The following DNAH14 variants were observed in gnomAD, a reference collection of about 807,000 sequenced individuals.
DNAH14 encodes axonemal beta dynein heavy chain 14.
A neutral mutation model predicts 520.9 loss-of-function variants in DNAH14; 478 were observed. That is an observed-to-expected ratio of 0.92 (90% CI 0.85 to 0.99). The LOEUF (loss-of-function observed/expected upper bound fraction) is 0.99, where lower values mean the gene tolerates loss of function less well. Ranked by LOEUF, DNAH14 falls within the 50% of genes least tolerant of loss-of-function variation. The probability of loss-of-function intolerance (pLI) is 0.00; values close to 1 mark genes in which losing one functional copy is unlikely to be tolerated. For synonymous variants in DNAH14, 1,581 were observed against 1,757.2 expected, an observed-to-expected ratio of 0.90 and a Z score of 2.51; for missense variants, 4,831 against 5,234.5, an observed-to-expected ratio of 0.92 and a Z score of 2.38.
rs2087721133 is a variant in DNAH14 at position 225,207,364 on chromosome 1, C to A, written c.6439+144C>A. On this transcript the variant is annotated intron_variant, in intron 41 of 85. Transcript: ENST00000682510. ...ACCAACAGCAGATATGCACATGGAA[C>A]AAATTAAAAACCATTTATAGAGGAA... 5 of 780,028 alleles carry A rather than the reference C, an allele frequency of 6.4e-6. No individual in the cohort carries two copies. The South Asian group carries it at 1.5e-4, about 23-fold the overall frequency. 48.3% of individuals were successfully genotyped at this position (780,028 alleles called of 1,614,324 possible).
At chr1:225,068,707 C>T (rs1558852469) in intron 17 of DNAH14, among the ~76,000 whole-genome samples, 1 of 152,098 alleles carries the variant, frequency 6.6e-6, no homozygotes. Context: ...CCTTTTGTGG[C>T]AATTGTGAAT....
intron 1 of DNAH14, among the ~76,000 whole-genome samples, chr1:224,937,823 A>G (rs1436957070): frequency 6.6e-6 from 1 of 152,120 alleles, no homozygotes; most frequent in Non-Finnish European, 1.5e-5. Flanking sequence ...TAGTAACCAA[A>G]ACAGTATGAT....
In DNAH14 at chr1:225,042,929, A is replaced by G. The variant is rs1294082700; in HGVS notation, c.1583A>G (p.Asp528Gly). ...TGCTTGAGAATTCCTGCTGAGAGTG[A>G]TTCTTCAGAAAATTCTAAAGAGAAC... The part of the protein sequence containing the change: ...NLCLRIPAES[D>G]SSENSKENFH... Residue 528 changes from aspartate (D) to glycine (G), a missense_variant, in exon 13 of 86, where the codon GAT (aspartate) becomes GGT (glycine). Asp to Gly is a moderately conservative substitution (Grantham distance 94). Coordinates refer to ENST00000682510, the MANE Select transcript of DNAH14 (RefSeq NM_001367479.1). 10 of 1,551,822 alleles carry G rather than the reference A, an allele frequency of 6.4e-6. No individual in the cohort carries two copies. Among genetic ancestry groups the G allele is most frequent in the Non-Finnish European group, 8.7e-6 (10 of 1,147,020 alleles).
chr1:225,042,574 C>CA (rs1462982171), intron 12 of DNAH14, among the ~76,000 whole-genome samples: 1 of 152,126 alleles, frequency 6.6e-6, no homozygotes, highest in African/African-American at 2.4e-5. Flanking sequence ...TTTAAATAGG[C>CA]ACTCAGTGAC....
intron 66 of DNAH14, among the ~76,000 whole-genome samples, chr1:225,336,782 C>A (rs781354077): frequency 2.6e-5 from 4 of 152,154 alleles, no homozygotes; most frequent in Non-Finnish European, 5.9e-5. Context: ...AAGTATCTAA[C>A]GTCTTTTAGC....
At chr1:225,211,873 A>AATTTATTT (rs201563428) in intron 41 of DNAH14, among the ~76,000 whole-genome samples, 1,680 of 147,254 alleles carry the variant, frequency 0.011, 18 homozygotes, top group Middle Eastern at 0.014. Flanking sequence ...TTCAACCCAG[A>AATTTATTT]ATTTATTTAT....
At chr1:225,119,791 T>C (rs2077153214) in intron 26 of DNAH14, among the ~76,000 whole-genome samples, 1 of 152,244 alleles carries the variant, frequency 6.6e-6, no homozygotes, top group South Asian at 2.1e-4. Flanking sequence ...CTAACTTGAC[T>C]AGAACTGTTA....
intron 17 of DNAH14, among the ~76,000 whole-genome samples, chr1:225,073,074 A>C (rs1243392995): frequency 6.6e-6 from 1 of 152,084 alleles, no homozygotes; most frequent in Admixed American, 6.5e-5. Flanking sequence ...TTGTTGCCTC[A>C]GACATGGCAA....
In DNAH14 at chr1:224,972,237, A is replaced by T. The variant is rs186057059; in HGVS notation, c.768-1854A>T. Among the ~76,000 whole-genome samples the T allele has an allele frequency of 1.9e-3, 287 of 152,190 alleles. 1 individual carries two copies. The highest frequency in any genetic ancestry group is 3.4e-3 in the Non-Finnish European group (232 of 68,006). ...TTTTATATTTACTTAATTTGTACTT[A>T]ATTTTATATTTACTGAAGTTGTACA... On this transcript the variant is annotated intron_variant, in intron 7 of 85. Transcript: ENST00000682510.
intron 8 of DNAH14, among the ~76,000 whole-genome samples, chr1:224,986,984 A>T (rs2062687114): frequency 6.6e-6 from 1 of 152,254 alleles, no homozygotes; most frequent in Non-Finnish European, 1.5e-5. Flanking sequence ...CAGTAATGTT[A>T]CAGGATACAA....
At chr1:225,071,871 T>C (rs1423462053) in intron 17 of DNAH14, among the ~76,000 whole-genome samples, 2 of 152,194 alleles carry the variant, frequency 1.3e-5, no homozygotes, top group Admixed American at 6.5e-5. Flanking sequence ...TAGGGGTAAC[T>C]GCCCCCATGA....
Position 225,085,703 on chromosome 1 carries a change from T to C in DNAH14, c.3487T>C (p.Ser1163Pro), listed in dbSNP as rs775192427. The C allele has an allele frequency of 2.6e-6, 4 of 1,551,436 alleles. No individual in the cohort carries two copies. Among genetic ancestry groups the C allele is most frequent in the Non-Finnish European group, 8.7e-7 (1 of 1,146,784 alleles). Residue 1163 changes from serine (S) to proline (P), a missense_variant, in exon 21 of 86, where the codon TCT (serine) becomes CCT (proline). Ser to Pro is a moderately conservative substitution (Grantham distance 74). Transcript: ENST00000682510. Reference protein sequence around the residue: ...TEIYSIFIIPSIDDISAQLEE... With the variant: ...TEIYSIFIIPPIDDISAQLEE... ...GATTTACTCTATCTTCATAATTCCA[T>C]CTATAGATGACATATCAGCTCAGTT...
In DNAH14 at chr1:225,086,681, C is replaced by T. The variant is rs575569854; in HGVS notation, c.3573+892C>T. On this transcript the variant is annotated intron_variant, in intron 21 of 85. Coordinates refer to ENST00000682510, the MANE Select transcript of DNAH14 (RefSeq NM_001367479.1). ...TCAATAAATTACAGAAAAAAATAAA[C>T]CAAATGGACTTTATTCTTTAATCAC... Among the ~76,000 whole-genome samples the T allele has an allele frequency of 1.5e-4, 23 of 151,478 alleles. No individual in the cohort carries two copies. In the South Asian group the frequency reaches 4.8e-3, roughly 32 times the overall value.
intron 11 of DNAH14, among the ~76,000 whole-genome samples, chr1:225,025,367 A>T (rs2066024916): frequency 6.6e-6 from 1 of 151,850 alleles, no homozygotes; most frequent in Non-Finnish European, 1.5e-5. Context: ...GTGGAGTCAG[A>T]CCACATGGGT....
intron 68 of DNAH14, 26 bp from the exon 69 acceptor site, chr1:225,340,431 A>T: frequency 6.6e-7 from 1 of 1,504,116 alleles, no homozygotes; most frequent in Non-Finnish European, 8.9e-7. Flanking sequence ...TGTTCTTTGA[A>T]TAACTGGTGC....
chr1:225,076,634 A>G lies in DNAH14; in HGVS notation c.2425-2573A>G, dbSNP rs145382352. ...CCAAATTTCTATAGTAAGAAAAATG[A>G]TAAGTTTTGGTTCCAGAAGGTTGTT... On this transcript the variant is annotated intron_variant, in intron 17 of 85. Transcript: ENST00000682510. Among the ~76,000 whole-genome samples the G allele has an allele frequency of 5.2e-3, 799 of 152,236 alleles. 5 individuals are homozygous for G. The highest frequency in any genetic ancestry group is 0.017 in the Middle Eastern group (5 of 294).
chr1:225,207,314 G>A (rs1216897982), intron 41 of DNAH14, 94 bp downstream of exon 41: 34 of 1,325,406 alleles, frequency 2.6e-5, no homozygotes, highest in African/African-American at 1.1e-4. Flanking sequence ...ATTTTTCAAA[G>A]AGCAGGCATT....
intron 36 of DNAH14, among the ~76,000 whole-genome samples, chr1:225,179,859 T>C (rs1344866524): frequency 6.6e-6 from 1 of 152,154 alleles, no homozygotes; most frequent in African/African-American, 2.4e-5. Flanking sequence ...TCCTTCATGT[T>C]AGAAGAGTGG....
rs377280413 is a variant in DNAH14, at chr1:225,394,401, G to C, written c.13491+1950G>C. Among the ~76,000 whole-genome samples, 48 of 152,254 alleles carry C rather than the reference G, an allele frequency of 3.2e-4. No individual in the cohort carries two copies. In the East Asian group the frequency reaches 6.0e-3, roughly 19 times the overall value. On this transcript the variant is annotated intron_variant, in intron 84 of 85. Coordinates refer to ENST00000682510, the MANE Select transcript of DNAH14 (RefSeq NM_001367479.1). ...ACAAAAATTTTTTTGTTTTAACAAA[G>C]TCCAGTGTATCCATCTTTTATTTAG...
Sources: gnomAD v4.1 joint callset for allele counts (sites outside exome capture counted in the v4.1 genomes callset) on GRCh38, gnomAD v4.1.1 for gene constraint, MANE v1.5 for transcripts, NCBI Gene and HGNC (gene_info 2026-07-23, HGNC 2026-07-21) for gene names.